Variants in SPATA2 observed in about 807,000 individuals in gnomAD.
The protein encoded by SPATA2 is spermatogenesis-associated protein 2.
In SPATA2, 8 loss-of-function variants were observed where a neutral mutation model predicts 35.4. The ratio of observed to expected loss-of-function variants is 0.23; its 90% CI spans 0.13 to 0.41. The LOEUF (loss-of-function observed/expected upper bound fraction) is 0.41. Ranked by LOEUF, SPATA2 falls within the 10% of genes least tolerant of loss-of-function variation. The pLI, the probability that SPATA2 is intolerant of heterozygous loss-of-function variation, is 1.00. For missense variants in SPATA2, 650 were observed against 698.7 expected (o/e 0.93, Z 0.79); for synonymous variants, 293 against 300.9 (o/e 0.97, Z 0.27).
Position 49,906,141 on chromosome 20 carries a change from G to A in SPATA2, c.1041C>T (p.Tyr347=), listed in dbSNP as rs1229226214. ...LYTDSEPRAT[Y]RRQDALRPDV... ...CCGGCCGCAGAGCATCCTGCCGACG[G>A]TAGGTGGCCCTGGGTTCAGAGTCTG... The change falls in exon 3 of 3, where the codon TAC becomes TAT. Residue 347 remains tyrosine, a synonymous_variant. Coordinates refer to ENST00000289431, the MANE Select transcript of SPATA2 (RefSeq NM_006038.4). This position sits in a 1 kb window ranked among gnomAD's most constrained non-coding sequence, Gnocchi z 8.2. 6.2e-7 allele frequency: 1 copy of A among 1,610,224 alleles called. No homozygotes were observed. The highest frequency in any genetic ancestry group is 8.5e-7 in the Non-Finnish European group (1 of 1,177,986).
intron 2 of SPATA2, among the ~76,000 whole-genome samples, chr20:49,907,103 C>G (rs2090150992): frequency 6.6e-6 from 1 of 152,186 alleles, no homozygotes; most frequent in Non-Finnish European, 1.5e-5. Flanking sequence ...CTCTTTTGCC[C>G]AGGGTGGAGT....
In SPATA2 at chr20:49,906,493, A is replaced by G. The variant is rs753167164; in HGVS notation, c.689T>C (p.Leu230Pro). 1.4e-5 allele frequency: 22 copies of G among 1,611,412 alleles called. No homozygotes were observed. The highest frequency in any genetic ancestry group is 1.7e-5 in the Non-Finnish European group (20 of 1,179,878). Residue 230 changes from leucine (L) to proline (P), a missense_variant, in exon 3 of 3, where the codon CTC (leucine) becomes CCC (proline). Leu to Pro is a moderately conservative substitution (Grantham distance 98). Transcript: ENST00000289431. The surrounding 1 kb of genome is among the most constrained non-coding windows in gnomAD (Gnocchi z 8.2). ...CGCCCGCTCGCTGGCCGACTTCTGG[A>G]GTGCCACTCGTGACATGGAGGCCGT... ...HLTASMSRVALQKSASERAAK... is the reference protein window; with the variant it reads ...HLTASMSRVAPQKSASERAAK...
rs73611743 is a variant in SPATA2, at chr20:49,905,272, G to A, written c.*347C>T. On this transcript the variant is annotated 3_prime_UTR_variant, in exon 3 of 3. Coordinates refer to ENST00000289431, the MANE Select transcript of SPATA2 (RefSeq NM_006038.4). Reference sequence around the variant, plus strand: ...GCAATGGGAGGGGTAGGTGCAGCGAGGGTCCCAGAGACAGAAATCCTCTTT... The same window carrying A: ...GCAATGGGAGGGGTAGGTGCAGCGAAGGTCCCAGAGACAGAAATCCTCTTT... The A allele has an allele frequency of 0.027, 6,972 of 255,800 alleles. 940 individuals carry two copies. In the East Asian group the frequency reaches 0.36, roughly 13 times the overall value. The allele number at this position is 255,800 out of a possible 1,614,324, so 15.8% of individuals were successfully genotyped here. A position where few individuals can be genotyped will look rare whatever the true frequency, so the allele number is the denominator to read the frequency against.
chr20:49,907,126 T>C (rs1052649289), intron 2 of SPATA2, among the ~76,000 whole-genome samples: 1 of 152,176 alleles, frequency 6.6e-6, no homozygotes, highest in Non-Finnish European at 1.5e-5. Flanking sequence ...GGTGGTGCGA[T>C]CTTGGCTCAC....
intron 1 of SPATA2, among the ~76,000 whole-genome samples, chr20:49,909,088 T>C (rs1374459369): frequency 6.6e-6 from 1 of 152,098 alleles, no homozygotes; most frequent in Admixed American, 6.5e-5. Context: ...AGTGGCGTGA[T>C]CTCAGCTCAC....
At chr20:49,907,797 C>T (rs1322633692) in intron 2 of SPATA2, among the ~76,000 whole-genome samples, 9 of 151,154 alleles carry the variant, frequency 6.0e-5, no homozygotes, top group Non-Finnish European at 1.5e-5. Context: ...TCCCACCTCC[C>T]CCCACCCCTC....
At position 49,903,522 on chromosome 20, in the gene SPATA2, C is replaced by G. The variant is rs1291715763; in HGVS notation, c.*2097G>C. The G allele has an allele frequency of 1.3e-5, 2 of 152,130 alleles. No homozygotes were observed. Among genetic ancestry groups the G allele is most frequent in the Admixed American group, 1.3e-4 (2 of 15,270 alleles). The allele number at this position is 152,130 out of a possible 1,614,324, so 9.4% of individuals were successfully genotyped here. A position where few individuals can be genotyped will look rare whatever the true frequency, so the allele number is the denominator to read the frequency against. ...TATTTAACTATCTCAATCACAGCAA[C>G]CTCATCCAGTAAGATGCACACCTGG... On this transcript the variant is annotated 3_prime_UTR_variant, in exon 3 of 3. Coordinates refer to ENST00000289431, the MANE Select transcript of SPATA2 (RefSeq NM_006038.4).
rs2090156494 is a variant in SPATA2 at position 49,907,698 on chromosome 20, C to T, written c.336+457G>A. ...GATTCAGGATCCCTCTCTCAATTCC[C>T]CCTCCTCCTCTACTGTTCCCACTTA... On this transcript the variant is annotated intron_variant, in intron 2 of 2. Transcript: ENST00000289431. 2.6e-5 allele frequency among the ~76,000 whole-genome samples: 4 copies of T among 152,132 alleles called. No homozygotes were observed. The South Asian group carries it at 6.2e-4, about 24-fold the overall frequency.
At chr20:49,915,276 G>C (rs1388615189) in intron 1 of SPATA2, 104 bp downstream of exon 1, 1 of 152,324 alleles carries the variant, frequency 6.6e-6, no homozygotes, top group Non-Finnish European at 1.5e-5. Flanking sequence ...CCTGCCGTGA[G>C]GGTACCCCGC....
Position 49,908,266 on chromosome 20 carries a change from G to A in SPATA2, c.225C>T (p.Arg75=), listed in dbSNP as rs373260117. ...CCCGCAGGCTAGAGGAGCTGAGCGA[G>A]CGCAAGGAGCTCTCCACCACCTCAT... is the stretch of plus-strand genomic sequence containing the variant. ...QFYEVVESSL[R]SLSSSSLRAL... is the part of the protein sequence containing the mutation. Residue 75 remains arginine, a synonymous_variant, in exon 2 of 3, where the codon CGC becomes CGT. Coordinates refer to ENST00000289431, the MANE Select transcript of SPATA2 (RefSeq NM_006038.4). 9.1e-5 allele frequency: 147 copies of A among 1,614,080 alleles called. No individual in the cohort carries two copies. In the Middle Eastern group the frequency reaches 9.9e-4, roughly 11 times the overall value.
intron 2 of SPATA2, among the ~76,000 whole-genome samples, chr20:49,907,791 A>T (rs1234699844): frequency 3.2e-5 from 2 of 62,854 alleles, no homozygotes; most frequent in Admixed American, 1.6e-4. Context: ...CATCCCTCCC[A>T]CCTCCCCCCA....
chr20:49,914,990 G>T (rs1302595528), intron 1 of SPATA2, among the ~76,000 whole-genome samples: 1 of 152,250 alleles, frequency 6.6e-6, no homozygotes, highest in African/African-American at 2.4e-5. Flanking sequence ...AGGCTCTTAA[G>T]ATGAAGTGAC....
chr20:49,910,004 T>C (rs957828337), intron 1 of SPATA2, among the ~76,000 whole-genome samples: 120 of 152,340 alleles, frequency 7.9e-4, no homozygotes, highest in African/African-American at 2.9e-3. Context: ...TGGGAGAGGA[T>C]AGAATGTTCT....
Position 49,915,506 on chromosome 20 carries a change from G to A in SPATA2, c.-229C>T, listed in dbSNP as rs1203411216. 1 of 152,270 alleles carries A rather than the reference G, an allele frequency of 6.6e-6. No homozygotes were observed. Among genetic ancestry groups the A allele is most frequent in the African/African-American group, 2.4e-5 (1 of 41,474 alleles). 9.4% of individuals were successfully genotyped at this position (152,270 alleles called of 1,614,324 possible). A position where few individuals can be genotyped will look rare whatever the true frequency, so the allele number is the denominator to read the frequency against. On this transcript the variant is annotated 5_prime_UTR_variant, in exon 1 of 3. Coordinates refer to ENST00000289431, the MANE Select transcript of SPATA2 (RefSeq NM_006038.4). Reference sequence around the variant, plus strand: ...TGCAGGGGTACTGAGACCAGTACCCGGGGGCCAGCAGCGACCCGGAAACAC... The same window carrying A: ...TGCAGGGGTACTGAGACCAGTACCCAGGGGCCAGCAGCGACCCGGAAACAC...
rs1380747515 is a variant in SPATA2, at chr20:49,903,898, G to GATATATATATATATATAT, written c.*1720_*1721insATATATATATATATATAT. On this transcript the variant is annotated 3_prime_UTR_variant, in exon 3 of 3. Coordinates refer to ENST00000289431, the MANE Select transcript of SPATA2 (RefSeq NM_006038.4). Reference sequence around the variant, plus strand: ...CTGTACATCTACATGTGATCTACCAGATAGATATATATATATATATATATA... The same window carrying GATATATATATATATATAT: ...CTGTACATCTACATGTGATCTACCAGATATATATATATATATATATAGATATATATATATATATATATA... 2 of 86,134 alleles carry GATATATATATATATATAT rather than the reference G, an allele frequency of 2.3e-5. No individual in the cohort carries two copies. Among genetic ancestry groups the GATATATATATATATATAT allele is most frequent in the Non-Finnish European group, 4.5e-5 (2 of 44,308 alleles). 5.3% of individuals were successfully genotyped at this position (86,134 alleles called of 1,614,324 possible). A position where few individuals can be genotyped will look rare whatever the true frequency, so the allele number is the denominator to read the frequency against.
chr20:49,906,419 C>T lies in SPATA2; in HGVS notation c.763G>A (p.Asp255Asn). ...PRVTKPSRSV[D>N]AYDSYWESRK... ...CTCTCCCAGTAGCTGTCATAGGCATCCACTGACCTCGAGGGCTTGGTCACG... is the reference window on the plus strand; with the variant it reads ...CTCTCCCAGTAGCTGTCATAGGCATTCACTGACCTCGAGGGCTTGGTCACG... Residue 255 changes from aspartate to asparagine, a missense_variant, in exon 3 of 3, where the codon GAT (aspartate) becomes AAT (asparagine). Coordinates refer to ENST00000289431, the MANE Select transcript of SPATA2 (RefSeq NM_006038.4). This position sits in a 1 kb window ranked among gnomAD's most constrained non-coding sequence, Gnocchi z 8.2. The T allele has an allele frequency of 6.2e-7, 1 of 1,613,216 alleles. No homozygotes were observed. Among genetic ancestry groups the T allele is most frequent in the Non-Finnish European group, 8.5e-7 (1 of 1,180,006 alleles).
chr20:49,906,506 A>C lies in SPATA2; in HGVS notation c.676T>G (p.Ser226Ala), dbSNP rs146277819. 1.2e-6 allele frequency: 2 copies of C among 1,611,800 alleles called. No individual in the cohort carries two copies. Among genetic ancestry groups the C allele is most frequent in the African/African-American group, 2.7e-5 (2 of 74,930 alleles). The change falls in exon 3 of 3, where the codon TCA becomes GCA. Residue 226 changes from serine (S) to alanine (A), a missense_variant. Transcript: ENST00000289431. The surrounding 1 kb of genome is among the most constrained non-coding windows in gnomAD (Gnocchi z 8.2). ...GCCGACTTCTGGAGTGCCACTCGTGACATGGAGGCCGTCAGGTGCTCCCGG... is the reference window on the plus strand; with the variant it reads ...GCCGACTTCTGGAGTGCCACTCGTGCCATGGAGGCCGTCAGGTGCTCCCGG... ...EGREHLTASM[S>A]RVALQKSASE...
At chr20:49,908,123 G>A (rs750331566) in intron 2 of SPATA2, 32 bp downstream of exon 2, 2 of 1,561,440 alleles carry the variant, frequency 1.3e-6, no homozygotes, top group Admixed American at 3.6e-5. Flanking sequence ...GAGAGAAGGA[G>A]GGCCTGTATG....
intron 1 of SPATA2, among the ~76,000 whole-genome samples, chr20:49,910,435 C>G (rs2090176557): frequency 6.6e-6 from 1 of 152,176 alleles, no homozygotes; most frequent in Non-Finnish European, 1.5e-5. Context: ...CAGGCCTTCT[C>G]TGAGTGGGGC....
Sources: gnomAD v4.1 joint callset for allele counts (sites outside exome capture counted in the v4.1 genomes callset) on GRCh38, gnomAD v4.1.1 for gene constraint, Gnocchi (gnomAD v3.1) non-coding constraint, MANE v1.5 for transcripts, NCBI Gene and HGNC (gene_info 2026-07-23, HGNC 2026-07-21) for gene names.